NAGK: variants seen among roughly 807,000 people sequenced by gnomAD.
The protein encoded by NAGK is N-acetylglucosamine kinase.
NAGK carries 35 observed loss-of-function variants against 42.9 expected under a neutral mutation model. The observed-to-expected ratio is 0.82, with a 90% CI of 0.62 to 1.08. NAGK has a LOEUF of 1.08. NAGK is among the 50% of genes least tolerant of loss of function. The pLI, the probability that NAGK is intolerant of heterozygous loss-of-function variation, is 0.00. For synonymous variants in NAGK, 172 were observed against 176.0 expected (o/e 0.98, Z 0.18); for missense variants, 446 against 446.0 (o/e 1.00, Z 0.00).
At position 71,072,753 on chromosome 2, in the gene NAGK, T is replaced by A. The variant is rs1672068441; in HGVS notation, c.466+2T>A. 1.2e-6 allele frequency: 2 copies of A among 1,611,804 alleles called. No homozygotes were observed. The highest frequency in any genetic ancestry group is 1.7e-6 in the Non-Finnish European group (2 of 1,178,186). On this transcript the variant is annotated splice_donor_variant, in intron 5 of 9. Coordinates refer to ENST00000244204, the MANE Select transcript of NAGK (RefSeq NM_017567.6). LOFTEE classifies it high-confidence loss of function. ...ATATGATGGGTGATGAGGGTTCAGG[T>A]GAGCTCACTGACTGGCCCAGCTCCA...
intron 6 of NAGK, chr2:71,074,708 T>C (rs1464980272): frequency 6.6e-6 from 1 of 152,034 alleles, no homozygotes; most frequent in East Asian, 1.9e-4. Context: ...TGAGGTCAGG[T>C]GTTCAAGACC....
At chr2:71,075,529 C>T (rs749779776) in intron 6 of NAGK, 26 bp from the exon 7 acceptor site, 9 of 1,572,984 alleles carry the variant, frequency 5.7e-6, no homozygotes, top group Admixed American at 5.0e-5. Context: ...CTTCTGATGA[C>T]TCTCTTGTGC....
At chr2:71,075,712 G>A in intron 7 of NAGK, 70 bp downstream of exon 7, 1 of 1,436,086 alleles carries the variant, frequency 7.0e-7, no homozygotes, top group Admixed American at 1.7e-5. Flanking sequence ...AGATTGAGTG[G>A]GGTTCAGACA....
intron 3 of NAGK, 43 bp downstream of exon 3, chr2:71,070,882 C>A: frequency 6.3e-7 from 1 of 1,592,966 alleles, no homozygotes; most frequent in Non-Finnish European, 8.6e-7. Context: ...ATCTGTGACA[C>A]TGAGACAGCT....
rs760983598 is a variant in NAGK, at chr2:71,071,676, C to A, written c.214-10C>A. Reference sequence around the variant, plus strand: ...GCTCTGCACACTCGCTCACCTCCCGCGTGGCCTAGGGCCTATCTCTGAGCG... The same window carrying A: ...GCTCTGCACACTCGCTCACCTCCCGAGTGGCCTAGGGCCTATCTCTGAGCG... On this transcript the variant is annotated splice_polypyrimidine_tract_variant and intron_variant, in intron 3 of 9. Coordinates refer to ENST00000244204, the MANE Select transcript of NAGK (RefSeq NM_017567.6). 2.5e-6 allele frequency: 4 copies of A among 1,609,756 alleles called. No homozygotes were observed. The East Asian group carries it at 8.9e-5, about 36-fold the overall frequency.
At chr2:71,070,182 A>G in intron 1 of NAGK, 2 of 302,920 alleles carry the variant, frequency 6.6e-6, no homozygotes, top group Non-Finnish European at 1.3e-5. Context: ...CTTTGGAGGC[A>G]CTATGAAGGT....
At chr2:71,072,965 C>A in intron 5 of NAGK, 1 of 609,282 alleles carries the variant, frequency 1.6e-6, no homozygotes, top group South Asian at 1.7e-5. Flanking sequence ...TGACTTGCAC[C>A]CAGGACTCAG....
chr2:71,079,440 C>CATCAGTT lies in NAGK; in HGVS notation c.*933_*939dup, dbSNP rs1304846457. On this transcript the variant is annotated 3_prime_UTR_variant, in exon 10 of 10. Transcript: ENST00000244204. ...AGAGGCATGTGGATCATGTCCTGCA[C>CATCAGTT]ATCAGTTCTCCAACTTACAGACATC... 3 of 152,202 alleles carry CATCAGTT rather than the reference C, an allele frequency of 2.0e-5. No individual in the cohort carries two copies. The highest frequency in any genetic ancestry group is 6.5e-5 in the Admixed American group (1 of 15,276). The allele number at this position is 152,202 out of a possible 1,614,324, so 9.4% of individuals were successfully genotyped here. A position where few individuals can be genotyped will look rare whatever the true frequency, so the allele number is the denominator to read the frequency against.
At position 71,070,547 on chromosome 2, in the gene NAGK, G is replaced by A. The variant is rs747851692; in HGVS notation, c.75G>A (p.Lys25=). 2 of 1,614,090 alleles carry A rather than the reference G, an allele frequency of 1.2e-6. No homozygotes were observed. ...SEVLLVSEDG[K]ILAEADGLST... ...TCCTTTTAGTCTCAGAGGATGGGAA[G>A]ATCCTGGCAGAAGCAGATGGACTGA... is the stretch of plus-strand genomic sequence containing the variant. The change falls in exon 2 of 10, where the codon AAG becomes AAA. Residue 25 remains lysine (K), a synonymous_variant. Transcript: ENST00000244204.
chr2:71,068,745 C>G, intron 1 of NAGK, 33 bp downstream of exon 1: 2 of 1,446,368 alleles, frequency 1.4e-6, no homozygotes, highest in South Asian at 1.4e-5. Flanking sequence ...AGCCTGGGCC[C>G]GAAGGCGGGG....
At chr2:71,076,107 C>T (rs1672203228) in intron 7 of NAGK, 1 of 186,356 alleles carries the variant, frequency 5.4e-6, no homozygotes, top group African/African-American at 2.4e-5. Context: ...TTCCTGCAGC[C>T]TCAGGGCATT....
intron 6 of NAGK, chr2:71,074,877 C>T (rs1461842018): frequency 6.6e-6 from 1 of 152,074 alleles, no homozygotes; most frequent in Non-Finnish European, 1.5e-5. Flanking sequence ...GAGCACACCA[C>T]TGTACTCCAG....
chr2:71,078,185 C>T, intron 9 of NAGK, 133 bp from the exon 10 acceptor site: 1 of 830,682 alleles, frequency 1.2e-6, no homozygotes, highest in East Asian at 2.6e-5. Flanking sequence ...GTGCTGGGCA[C>T]TTGGCATGTA....
intron 4 of NAGK, chr2:71,072,398 A>G: frequency 2.1e-6 from 1 of 484,942 alleles, no homozygotes; most frequent in South Asian, 2.2e-5. Flanking sequence ...CATTCCCTCT[A>G]AGAGGTGCAG....
chr2:71,074,665 A>C (rs1672145841), intron 6 of NAGK: 1 of 152,316 alleles, frequency 6.6e-6, no homozygotes, highest in Non-Finnish European at 1.5e-5. Context: ...CTGTAATCCC[A>C]GCACTTTGAG....
At chr2:71,068,982 A>C in intron 1 of NAGK, 1 of 1,231,980 alleles carries the variant, frequency 8.1e-7, no homozygotes, top group South Asian at 2.7e-5. Context: ...CGAAACACCC[A>C]CTCCGCTGTC....
At chr2:71,073,651 C>A in intron 6 of NAGK, 57 bp downstream of exon 6, 2 of 1,386,550 alleles carry the variant, frequency 1.4e-6, no homozygotes, top group East Asian at 2.3e-5. Context: ...TGAAACACTC[C>A]AAGTAAGAGT....
upstream of NAGK, chr2:71,068,618 G>A (rs762711106): frequency 6.6e-7 from 1 of 1,525,026 alleles, no homozygotes; most frequent in Non-Finnish European, 8.8e-7. Context: ...CAGACAGCTG[G>A]AGGGAAGGAG....
chr2:71,076,420 A>C, intron 7 of NAGK, 184 bp from the exon 8 acceptor site: 1 of 548,250 alleles, frequency 1.8e-6, no homozygotes, highest in Non-Finnish European at 3.3e-6. Flanking sequence ...AGAGGGAGGT[A>C]GCTGGTATGT....
Sources: allele counts gnomAD v4.1 joint callset, GRCh38; gene constraint gnomAD v4.1.1; transcripts MANE v1.5; gene names NCBI Gene and HGNC (gene_info 2026-07-23, HGNC 2026-07-21).